CNTN5: variants seen among roughly 807,000 people sequenced by gnomAD.
CNTN5 encodes contactin-5.
CNTN5 carries 77 observed loss-of-function variants against 129.1 expected under a neutral mutation model. The observed-to-expected ratio is 0.60, with a 90% confidence interval of 0.50 to 0.72. The LOEUF is 0.72. Among genes scored for constraint, CNTN5 ranks in the 30% least tolerant of loss-of-function variants. CNTN5 has a pLI of 0.00. For synonymous variants in CNTN5, 509 were observed against 465.6 expected (o/e 1.09, Z -1.20); for missense variants, 1,478 against 1,328.8 (o/e 1.11, Z -1.75).
rs998382583 is a variant in CNTN5, at chr11:100,015,849, C to A, written c.980+13713C>A. The stretch of plus-strand genomic sequence containing the variant: ...TCCTTTAGATTATTCAATAGGAATC[C>A]TATCCTTGTTAGGCACATACTTATA... On this transcript the variant is annotated intron_variant, in intron 9 of 24. Coordinates refer to ENST00000524871, the MANE Select transcript of CNTN5 (RefSeq NM_014361.4). Among the ~76,000 whole-genome samples the A allele has an allele frequency of 1.3e-4, 19 of 151,814 alleles. 1 individual carries two copies. Among genetic ancestry groups the A allele is most frequent in the Non-Finnish European group, 2.8e-4 (19 of 67,934 alleles).
At chr11:99,612,782 C>A (rs898919548) in intron 3 of CNTN5, among the ~76,000 whole-genome samples, 3 of 152,088 alleles carry the variant, frequency 2.0e-5, no homozygotes, top group African/African-American at 7.2e-5. Context: ...ATTTATTATT[C>A]TTTATTTGAA....
At chr11:99,741,031 A>G (rs7108286) in intron 3 of CNTN5, among the ~76,000 whole-genome samples, 34,554 of 152,034 alleles carry the variant, frequency 0.23, 4,299 homozygotes, top group Admixed American at 0.35. Context: ...TTCTAGAAAC[A>G]CTTTAGCTCA....
intron 2 of CNTN5, among the ~76,000 whole-genome samples, chr11:99,401,086 A>G (rs779910259): frequency 1.3e-5 from 2 of 152,026 alleles, no homozygotes; most frequent in Non-Finnish European, 1.5e-5. Flanking sequence ...TTAACTTGAT[A>G]TGATCCCATT....
intron 3 of CNTN5, among the ~76,000 whole-genome samples, chr11:99,708,861 TAA>T (rs975691300): frequency 6.6e-6 from 1 of 151,840 alleles, no homozygotes; most frequent in Non-Finnish European, 1.5e-5. Context: ...GCTTATATCC[TAA>T]GTTTGTCCAT....
chr11:99,061,689 G>A lies in CNTN5; in HGVS notation c.-210+40419G>A, dbSNP rs191918744. Among the ~76,000 whole-genome samples the A allele has an allele frequency of 2.8e-4, 43 of 152,188 alleles. 1 individual carries two copies. The highest frequency in any genetic ancestry group is 2.4e-3 in the Admixed American group (36 of 15,266). On this transcript the variant is annotated intron_variant, in intron 1 of 24. Transcript: ENST00000524871. ...CAGTTGGATTTGACTTAGAAGGGGA[G>A]ACAATCTCTGTGAACTTGCGGTCAG...
At chr11:99,234,011 G>T (rs1165633651) in intron 1 of CNTN5, among the ~76,000 whole-genome samples, 3 of 152,254 alleles carry the variant, frequency 2.0e-5, no homozygotes, top group South Asian at 4.1e-4. Context: ...ACAGCTCAAA[G>T]AGAGGATGTG....
chr11:99,574,354 G>A (rs921708229), intron 3 of CNTN5, among the ~76,000 whole-genome samples: 4 of 152,132 alleles, frequency 2.6e-5, no homozygotes, highest in African/African-American at 9.7e-5. Flanking sequence ...TGTGAATAGT[G>A]CTGCAATAAA....
At chr11:100,136,586 A>C (rs1373627069) in intron 13 of CNTN5, among the ~76,000 whole-genome samples, 1 of 151,844 alleles carries the variant, frequency 6.6e-6, no homozygotes, top group Admixed American at 6.6e-5. Flanking sequence ...ATCATTATAC[A>C]AAAAAAATCA....
chr11:100,015,799 T>G (rs1254376567), intron 9 of CNTN5, among the ~76,000 whole-genome samples: 2 of 152,132 alleles, frequency 1.3e-5, no homozygotes, highest in Non-Finnish European at 2.9e-5. Flanking sequence ...TTTTTTAAAA[T>G]TAATTACATA....
intron 13 of CNTN5, among the ~76,000 whole-genome samples, chr11:100,085,960 AAGAGAC>A (rs1268943821): frequency 6.6e-6 from 1 of 152,092 alleles, no homozygotes; most frequent in Non-Finnish European, 1.5e-5. Flanking sequence ...ATATTTTAGG[AAGAGAC>A]TTCAGAATTT....
chr11:99,526,498 T>G (rs1366931318), intron 2 of CNTN5, among the ~76,000 whole-genome samples: 3 of 152,326 alleles, frequency 2.0e-5, no homozygotes, highest in African/African-American at 7.2e-5. Flanking sequence ...AATGCAGGGA[T>G]TTTTTTGTAT....
chr11:100,237,187 T>TTAAAA (rs1949636431), intron 16 of CNTN5, among the ~76,000 whole-genome samples: 1 of 83,196 alleles, frequency 1.2e-5, no homozygotes, highest in African/African-American at 5.5e-5. Flanking sequence ...AGACTCCGTC[T>TTAAAA]CAAAAAAAAA....
intron 13 of CNTN5, among the ~76,000 whole-genome samples, chr11:100,112,521 G>C (rs1392937505): frequency 6.6e-6 from 1 of 152,030 alleles, no homozygotes; most frequent in Non-Finnish European, 1.5e-5. Flanking sequence ...TTATAAATTA[G>C]TCTGGTGTTA....
At chr11:100,220,264 G>A (rs951507135) in intron 15 of CNTN5, among the ~76,000 whole-genome samples, 10 of 151,550 alleles carry the variant, frequency 6.6e-5, no homozygotes, top group African/African-American at 2.2e-4. Context: ...GTGACAGAGC[G>A]AGACTCTGTC....
In CNTN5 at chr11:99,590,354, G is replaced by C. The variant is rs561639605; in HGVS notation, c.55+34085G>C. Among the ~76,000 whole-genome samples, 15 of 152,232 alleles carry C rather than the reference G, an allele frequency of 9.9e-5. No homozygotes were observed. In the South Asian group the frequency reaches 2.7e-3, roughly 27 times the overall value. ...AAGAGATCCAAACTCAGAAACCCTG[G>C]GTTCAAACCCTGGCATTGTTGTTTA... On this transcript the variant is annotated intron_variant, in intron 3 of 24. Coordinates refer to ENST00000524871, the MANE Select transcript of CNTN5 (RefSeq NM_014361.4).
At chr11:99,735,869 T>A (rs145178311) in intron 3 of CNTN5, among the ~76,000 whole-genome samples, 227 of 152,300 alleles carry the variant, frequency 1.5e-3, no homozygotes, top group Non-Finnish European at 1.6e-3. Context: ...CACGTTGCTG[T>A]ACTTTAGATT....
chr11:99,694,000 G>A (rs1565434063), intron 3 of CNTN5, among the ~76,000 whole-genome samples: 2 of 151,996 alleles, frequency 1.3e-5, no homozygotes, highest in Non-Finnish European at 2.9e-5. Context: ...GAGATCAGAC[G>A]GGTGATTCAG....
intron 1 of CNTN5, among the ~76,000 whole-genome samples, chr11:99,058,827 A>G (rs754485932): frequency 2.0e-5 from 3 of 151,870 alleles, no homozygotes; most frequent in Non-Finnish European, 4.4e-5. Flanking sequence ...GAGCTCAGAA[A>G]GATAATGAGT....
chr11:99,133,914 C>T (rs534522581), intron 1 of CNTN5, among the ~76,000 whole-genome samples: 26 of 152,154 alleles, frequency 1.7e-4, no homozygotes, highest in Non-Finnish European at 2.2e-4. Flanking sequence ...TGGGTATATA[C>T]GCAAAGGAAT....
Sources: gnomAD v4.1 joint callset for allele counts (sites outside exome capture counted in the v4.1 genomes callset) on GRCh38, gnomAD v4.1.1 for gene constraint, MANE v1.5 for transcripts, NCBI Gene and HGNC (gene_info 2026-07-23, HGNC 2026-07-21) for gene names.